The following AMOTL1 variants were observed in gnomAD, a reference collection of about 807,000 sequenced individuals.
The protein encoded by AMOTL1 is angiomotin like 1.
In AMOTL1, 45 loss-of-function variants were observed where a neutral mutation model predicts 102.9. The ratio of observed to expected loss-of-function variants is 0.44; its 90% CI spans 0.34 to 0.56. The LOEUF is 0.56. Ranked by LOEUF, AMOTL1 falls within the 20% of genes least tolerant of loss-of-function variation. The pLI, the probability that AMOTL1 is intolerant of heterozygous loss-of-function variation, is 0.01. For missense variants in AMOTL1, 1,114 were observed against 1,225.6 expected (o/e 0.91, Z 1.36); for synonymous variants, 481 against 484.7 (o/e 0.99, Z 0.10).
chr11:94,765,575 T>G (rs1950846158), upstream of AMOTL1, among the ~76,000 whole-genome samples: 1 of 152,204 alleles, frequency 6.6e-6, no homozygotes, highest in Non-Finnish European at 1.5e-5. Context: ...TGTGCTTCCA[T>G]GTATCTGATT....
At chr11:94,825,343 C>G (rs2135642436) in intron 4 of AMOTL1, among the ~76,000 whole-genome samples, 1 of 152,246 alleles carries the variant, frequency 6.6e-6, no homozygotes, top group African/African-American at 2.4e-5. Flanking sequence ...TTTCTTTGGT[C>G]CTGTGGATCC....
intron 8 of AMOTL1, 44 bp from the exon 9 acceptor site, chr11:94,859,481 T>C (rs1952731000): frequency 9.0e-6 from 14 of 1,558,534 alleles, no homozygotes; most frequent in Non-Finnish European, 1.2e-5. Flanking sequence ...GTAGACAGCA[T>C]TGATGTGGTT....
At chr11:94,781,254 C>G (rs139607046) in intron 1 of AMOTL1, among the ~76,000 whole-genome samples, 31 of 152,214 alleles carry the variant, frequency 2.0e-4, no homozygotes, top group African/African-American at 7.2e-4. Flanking sequence ...TTTATTTAAC[C>G]AACAGGGGTC....
At chr11:94,840,677 T>TACACACACAC (rs1219610889) in intron 6 of AMOTL1, among the ~76,000 whole-genome samples, 1 of 128,008 alleles carries the variant, frequency 7.8e-6, no homozygotes, top group Admixed American at 8.9e-5. Flanking sequence ...TATATATATA[T>TACACACACAC]ATATACACAC....
At chr11:94,836,910 G>A (rs1952195082) in intron 6 of AMOTL1, among the ~76,000 whole-genome samples, 2 of 151,962 alleles carry the variant, frequency 1.3e-5, no homozygotes, top group Non-Finnish European at 2.9e-5. Flanking sequence ...TGGATATGTT[G>A]GAGGTGAGAA....
Position 94,850,286 on chromosome 11 carries a change from G to T in AMOTL1, c.1794+27G>T, listed in dbSNP as rs1332561325. The T allele has an allele frequency of 8.2e-6, 13 of 1,577,918 alleles. No individual in the cohort carries two copies. The East Asian group carries it at 3.0e-4, about 36-fold the overall frequency. The stretch of plus-strand genomic sequence containing the variant: ...TGAGACCAGGCTGTGGGGATTTGGT[G>T]GGGAAGAGGGCAAGCAGAGCCCAGA... On this transcript the variant is annotated intron_variant, in intron 7 of 12. Coordinates refer to ENST00000433060, the MANE Select transcript of AMOTL1 (RefSeq NM_130847.3).
At chr11:94,852,274 A>G (rs1375602341) in intron 7 of AMOTL1, among the ~76,000 whole-genome samples, 1 of 152,238 alleles carries the variant, frequency 6.6e-6, no homozygotes, top group Non-Finnish European at 1.5e-5. Flanking sequence ...CCTCCTTGAA[A>G]GGTCAAAGCA....
chr11:94,840,249 G>A lies in AMOTL1; in HGVS notation c.1648+8708G>A, dbSNP rs117581350. Among the ~76,000 whole-genome samples the A allele has an allele frequency of 2.1e-4, 32 of 152,270 alleles. No homozygotes were observed. In the East Asian group the frequency reaches 2.1e-3, roughly 10 times the overall value. On this transcript the variant is annotated intron_variant, in intron 6 of 12. Coordinates refer to ENST00000433060, the MANE Select transcript of AMOTL1 (RefSeq NM_130847.3). ...TATTTTTCAAAACTATTTTTAGTTCGTGAATTATAGTGAGAGCCTACAGCT... is the reference window on the plus strand; with the variant it reads ...TATTTTTCAAAACTATTTTTAGTTCATGAATTATAGTGAGAGCCTACAGCT...
At chr11:94,766,383 A>G (rs112373566), upstream of AMOTL1, among the ~76,000 whole-genome samples, 52 of 152,328 alleles carry the variant, frequency 3.4e-4, no homozygotes, top group African/African-American at 1.2e-3. Context: ...GCCAAAAAGG[A>G]TACTGAGGTT....
At chr11:94,778,545 A>G (rs926326084) in intron 1 of AMOTL1, among the ~76,000 whole-genome samples, 5 of 152,192 alleles carry the variant, frequency 3.3e-5, no homozygotes, top group Non-Finnish European at 5.9e-5. Context: ...AATTACACCT[A>G]CCTCAAAAAA....
chr11:94,736,980 C>T (rs924961320), intron 2 of AMOTL1, among the ~76,000 whole-genome samples: 1 of 152,138 alleles, frequency 6.6e-6, no homozygotes, highest in Non-Finnish European at 1.5e-5. Flanking sequence ...ATTCTACTTC[C>T]TAAGATAGAA....
chr11:94,778,124 A>G (rs1353550984), intron 1 of AMOTL1, among the ~76,000 whole-genome samples: 1 of 152,232 alleles, frequency 6.6e-6, no homozygotes, highest in African/African-American at 2.4e-5. Context: ...TTTTATTTTC[A>G]CTTTGAAATG....
intron 6 of AMOTL1, among the ~76,000 whole-genome samples, chr11:94,848,242 G>A (rs1342479966): frequency 6.6e-6 from 1 of 152,198 alleles, no homozygotes; most frequent in Non-Finnish European, 1.5e-5. Context: ...TCACATGCCT[G>A]TTGTTGCTGA....
intron 4 of AMOTL1, among the ~76,000 whole-genome samples, chr11:94,829,506 C>T (rs1565371223): frequency 6.6e-6 from 1 of 152,216 alleles, no homozygotes; most frequent in East Asian, 1.9e-4. Flanking sequence ...CAGACGTGAG[C>T]CACTGCACCA....
Position 94,757,708 on chromosome 11 carries a change from G to A in AMOTL1, c.136+16720G>A, listed in dbSNP as rs115523025. ...GCAGGCCTCAGAGTGCTTTCCAGTC[G>A]GGAAGTAAGGTCTGGAGTCAAGAAA... On this transcript the variant is annotated intron_variant, in intron 3 of 4. Transcript: ENST00000299004. Among the ~76,000 whole-genome samples, 36 of 152,248 alleles carry A rather than the reference G, an allele frequency of 2.4e-4. 1 individual carries two copies. The highest frequency in any genetic ancestry group is 7.2e-4 in the African/African-American group (30 of 41,542).
At chr11:94,726,290 C>T (rs1950256472) in intron 1 of AMOTL1, among the ~76,000 whole-genome samples, 1 of 152,154 alleles carries the variant, frequency 6.6e-6, no homozygotes, top group Non-Finnish European at 1.5e-5. Context: ...TCGGTGTACA[C>T]AAATCTCCTT....
chr11:94,715,908 T>C (rs533077480), intron 1 of AMOTL1, among the ~76,000 whole-genome samples: 1 of 142,480 alleles, frequency 7.0e-6, no homozygotes, highest in African/African-American at 2.4e-5. Flanking sequence ...TTTCACCAAA[T>C]TTGAAAGTTT....
At chr11:94,823,411 G>A (rs1184961804) in intron 4 of AMOTL1, among the ~76,000 whole-genome samples, 1 of 152,120 alleles carries the variant, frequency 6.6e-6, no homozygotes, top group South Asian at 2.1e-4. Context: ...AAATAGGCAT[G>A]TTGTCTCACA....
intron 1 of AMOTL1, among the ~76,000 whole-genome samples, chr11:94,770,167 G>C (rs765456992): frequency 2.4e-4 from 36 of 152,182 alleles, no homozygotes; most frequent in Non-Finnish European, 4.1e-4. Flanking sequence ...TCAGACCCAG[G>C]TTAACGATTA....
Sources: gnomAD v4.1 joint callset for allele counts (sites outside exome capture counted in the v4.1 genomes callset) on GRCh38, gnomAD v4.1.1 for gene constraint, MANE v1.5 for transcripts, NCBI Gene and HGNC (gene_info 2026-07-23, HGNC 2026-07-21) for gene names.